CACNB4: variants seen among roughly 807,000 people sequenced by gnomAD.
CACNB4 encodes the protein calcium voltage-gated channel auxiliary subunit beta 4.
Under a neutral mutation model 71.2 loss-of-function variants are expected in CACNB4, and 32 were observed. The observed-to-expected ratio is 0.45, with a 90% CI of 0.34 to 0.60. The LOEUF (loss-of-function observed/expected upper bound fraction) is 0.60, where lower values mean the gene tolerates loss of function less well. CACNB4 is among the 20% of genes least tolerant of loss of function. The pLI, the probability that CACNB4 is intolerant of heterozygous loss-of-function variation, is 0.01. For missense variants in CACNB4, 464 were observed against 647.9 expected (o/e 0.72, Z 3.08); for synonymous variants, 231 against 236.9 (o/e 0.97, Z 0.23).
chr2:151,965,070 C>T (rs1341789771), intron 2 of CACNB4, among the ~76,000 whole-genome samples: 2 of 152,124 alleles, frequency 1.3e-5, no homozygotes, highest in Non-Finnish European at 2.9e-5. Context: ...ATCAATAGAA[C>T]CATTGAATCA....
intron 2 of CACNB4, among the ~76,000 whole-genome samples, chr2:151,906,258 G>C (rs1455771264): frequency 1.3e-5 from 2 of 152,146 alleles, no homozygotes; most frequent in Non-Finnish European, 2.9e-5. Context: ...CTTTAAATAA[G>C]AACTTCTCAT....
chr2:151,864,784 G>A (rs774397424), intron 9 of CACNB4, among the ~76,000 whole-genome samples: 15 of 152,088 alleles, frequency 9.9e-5, no homozygotes, highest in South Asian at 2.1e-4. Context: ...ATATAAAAGC[G>A]CATTCTTAAA....
intron 2 of CACNB4, among the ~76,000 whole-genome samples, chr2:151,976,864 T>G (rs1371266104): frequency 6.6e-6 from 1 of 152,164 alleles, no homozygotes; most frequent in Non-Finnish European, 1.5e-5. Context: ...CCCCAGCTTT[T>G]AGTAAAAGGG....
At chr2:152,093,314 T>C (rs1472662309) in intron 2 of CACNB4, among the ~76,000 whole-genome samples, 2 of 152,212 alleles carry the variant, frequency 1.3e-5, no homozygotes, top group Non-Finnish European at 2.9e-5. Context: ...AATCAACATA[T>C]ATTTTTCTTT....
intron 2 of CACNB4, among the ~76,000 whole-genome samples, chr2:151,976,916 C>T (rs2099873907): frequency 6.6e-6 from 1 of 152,180 alleles, no homozygotes; most frequent in Non-Finnish European, 1.5e-5. Context: ...GGCCAAATTT[C>T]ACACTTCACT....
At chr2:151,988,231 C>A (rs1167638528) in intron 2 of CACNB4, among the ~76,000 whole-genome samples, 1 of 152,100 alleles carries the variant, frequency 6.6e-6, no homozygotes, top group African/African-American at 2.4e-5. Flanking sequence ...AAACCAGTCT[C>A]CCTACCCAAG....
At chr2:151,948,930 G>A (rs2099866235) in intron 2 of CACNB4, among the ~76,000 whole-genome samples, 1 of 152,078 alleles carries the variant, frequency 6.6e-6, no homozygotes, top group South Asian at 2.1e-4. Flanking sequence ...TGGAATGATA[G>A]TACATTTGTT....
chr2:151,987,019 T>C (rs1309755696), intron 2 of CACNB4, among the ~76,000 whole-genome samples: 1 of 152,214 alleles, frequency 6.6e-6, no homozygotes, highest in African/African-American at 2.4e-5. Flanking sequence ...TGACAACCAG[T>C]GCGCTGTTGG....
chr2:151,921,092 G>A (rs1360691645), intron 2 of CACNB4, among the ~76,000 whole-genome samples: 9 of 151,648 alleles, frequency 5.9e-5, no homozygotes, highest in African/African-American at 1.2e-4. Flanking sequence ...AGCCAAGATC[G>A]TGCCACTGCA....
chr2:151,977,331 G>A (rs2099873997), intron 2 of CACNB4, among the ~76,000 whole-genome samples: 1 of 152,178 alleles, frequency 6.6e-6, no homozygotes, highest in African/African-American at 2.4e-5. Context: ...ATTCATGATG[G>A]GGAAGGTATC....
chr2:151,856,023 T>C (rs967324616), intron 10 of CACNB4, among the ~76,000 whole-genome samples: 3 of 151,798 alleles, frequency 2.0e-5, no homozygotes, highest in South Asian at 2.1e-4. Context: ...AGGCCAATTA[T>C]ATTAAAACGC....
intron 2 of CACNB4, among the ~76,000 whole-genome samples, chr2:152,030,169 T>C (rs1311457355): frequency 5.3e-5 from 8 of 152,190 alleles, no homozygotes; most frequent in Admixed American, 4.6e-4. Context: ...GCTTCTAAAA[T>C]AGTTTGAGGA....
rs1354864508 is a variant in CACNB4, at chr2:151,941,571, C to T, written c.148-58201G>A. On this transcript the variant is annotated intron_variant, in intron 2 of 13. Transcript: ENST00000539935. ...TGCTGGGATTACAGGCATGAGCCAC[C>T]GTGCCCAACTTCGTCTCAATTTTTG... is the stretch of plus-strand genomic sequence containing the variant. Among the ~76,000 whole-genome samples the T allele has an allele frequency of 2.0e-5, 3 of 151,356 alleles. 1 individual carries two copies. The highest frequency in any genetic ancestry group is 3.9e-4 in the East Asian group (2 of 5,178).
At chr2:151,850,370 G>C (rs1034133023) in intron 12 of CACNB4, 1 of 152,040 alleles carries the variant, frequency 6.6e-6, no homozygotes, top group African/African-American at 2.4e-5. Flanking sequence ...TCAAACTCCT[G>C]ACCTCATGAT....
chr2:152,070,492 T>C (rs1442007736), intron 2 of CACNB4, among the ~76,000 whole-genome samples: 1 of 152,086 alleles, frequency 6.6e-6, no homozygotes, highest in Non-Finnish European at 1.5e-5. Context: ...TTTTTATAGT[T>C]GGCAAAAACA....
At chr2:152,025,697 A>G (rs1683924918) in intron 2 of CACNB4, among the ~76,000 whole-genome samples, 1 of 152,248 alleles carries the variant, frequency 6.6e-6, no homozygotes, top group South Asian at 2.1e-4. Context: ...AACTTCAAAG[A>G]TGCCACTGTT....
intron 2 of CACNB4, among the ~76,000 whole-genome samples, chr2:151,951,471 T>G (rs1401330913): frequency 6.6e-6 from 1 of 152,102 alleles, no homozygotes; most frequent in Non-Finnish European, 1.5e-5. Flanking sequence ...ATGCTAAGAA[T>G]TTAAAGGAGC....
intron 2 of CACNB4, among the ~76,000 whole-genome samples, chr2:151,925,520 GA>G (rs1286117102): frequency 1.3e-5 from 2 of 152,144 alleles, no homozygotes; most frequent in African/African-American, 4.8e-5. Context: ...TCACTTATAG[GA>G]AAACATCTAT....
chr2:151,839,359 G>A lies in CACNB4; in HGVS notation c.1323C>T (p.Ser441=). 1 of 1,609,744 alleles carries A rather than the reference G, an allele frequency of 6.2e-7. No individual in the cohort carries two copies. Among genetic ancestry groups the A allele is most frequent in the South Asian group, 1.1e-5 (1 of 90,990 alleles). ...SGLQSQRMRH[S]NHSTENSPIE... ...TTGGAGAGTTCTCTGTGGAGTGGTTGCTGTGCCTCATTCGCTGACTCTAAA... is the reference window on the plus strand; with the variant it reads ...TTGGAGAGTTCTCTGTGGAGTGGTTACTGTGCCTCATTCGCTGACTCTAAA... Residue 441 remains serine, a synonymous_variant, in exon 14 of 14, where the codon AGC becomes AGT. Coordinates refer to ENST00000539935, the MANE Select transcript of CACNB4 (RefSeq NM_000726.5).
Sources: gnomAD v4.1 joint callset for allele counts (sites outside exome capture counted in the v4.1 genomes callset) on GRCh38, gnomAD v4.1.1 for gene constraint, MANE v1.5 for transcripts, NCBI Gene and HGNC (gene_info 2026-07-23, HGNC 2026-07-21) for gene names.